Variants in LOXL2 observed in about 807,000 individuals in gnomAD.
LOXL2 encodes lysyl oxidase like 2, also known as lysyl oxidase homolog 2.
LOXL2 carries 70 observed loss-of-function variants against 93.0 expected under a neutral mutation model. The ratio of observed to expected loss-of-function variants is 0.75; its 90% CI spans 0.62 to 0.92. The LOEUF (loss-of-function observed/expected upper bound fraction) is 0.92. LOXL2 is among the 40% of genes least tolerant of loss of function. LOXL2 has a pLI of 0.00. For synonymous variants in LOXL2, 438 were observed against 413.2 expected, an observed-to-expected ratio of 1.06 and a Z score of -0.73; for missense variants, 973 against 1,054.9, an observed-to-expected ratio of 0.92 and a Z score of 1.08.
intron 1 of LOXL2, among the ~76,000 whole-genome samples, chr8:23,380,858 C>A (rs980755063): frequency 6.6e-6 from 1 of 151,932 alleles, no homozygotes; most frequent in East Asian, 1.9e-4. Context: ...ACTAAAAATA[C>A]AAAAATTATC....
intron 6 of LOXL2, among the ~76,000 whole-genome samples, chr8:23,323,106 A>G (rs1039986763): frequency 2.0e-5 from 3 of 152,224 alleles, no homozygotes; most frequent in African/African-American, 4.8e-5. Flanking sequence ...CCAAGTTTCT[A>G]TTTCCTTGGA....
chr8:23,363,428 C>T (rs1373679034), intron 2 of LOXL2: 1 of 152,174 alleles, frequency 6.6e-6, no homozygotes, highest in African/African-American at 2.4e-5. Context: ...TCCAAGCAGT[C>T]AAGCTCCACT....
At position 23,332,474 on chromosome 8, in the gene LOXL2, A is replaced by C. The variant is rs969870111; in HGVS notation, c.966+927T>G. ...AGACACACCCACACACATACCCCCCACACACTCCCATACCCCCCCACTCAT... is the reference window on the plus strand; with the variant it reads ...AGACACACCCACACACATACCCCCCCCACACTCCCATACCCCCCCACTCAT... On this transcript the variant is annotated intron_variant, in intron 5 of 13. Transcript: ENST00000389131. 5.4e-3 allele frequency among the ~76,000 whole-genome samples: 259 copies of C among 47,568 alleles called. 20 individuals are homozygous for C. In the East Asian group the frequency reaches 0.12, roughly 23 times the overall value. 31.2% of individuals were successfully genotyped at this position (47,568 alleles called of 152,430 possible). A position where few individuals can be genotyped will look rare whatever the true frequency, so the allele number is the denominator to read the frequency against.
At chr8:23,356,931 T>G (rs945188295) in intron 3 of LOXL2, among the ~76,000 whole-genome samples, 21 of 152,168 alleles carry the variant, frequency 1.4e-4, no homozygotes, top group Non-Finnish European at 2.9e-4. Flanking sequence ...ACAAGGGCCA[T>G]GTTTTCTTTC....
intron 3 of LOXL2, 42 bp from the exon 4 acceptor site, chr8:23,341,245 G>T: frequency 6.6e-7 from 1 of 1,523,756 alleles, no homozygotes; most frequent in Non-Finnish European, 9.1e-7. Flanking sequence ...TACCCTACTG[G>T]CCTGGCTGCA....
chr8:23,353,564 T>G (rs1299124752), intron 3 of LOXL2, among the ~76,000 whole-genome samples: 2 of 152,006 alleles, frequency 1.3e-5, no homozygotes, highest in Admixed American at 1.3e-4. Flanking sequence ...AGTCCGAAAC[T>G]GAGAATATAC....
At chr8:23,399,916 G>A (rs1217569101) in intron 1 of LOXL2, among the ~76,000 whole-genome samples, 2 of 152,150 alleles carry the variant, frequency 1.3e-5, no homozygotes, top group Admixed American at 6.5e-5. Flanking sequence ...TTGCCACTTC[G>A]GAGTTCCTCC....
At chr8:23,384,514 T>C (rs1318751946) in intron 1 of LOXL2, among the ~76,000 whole-genome samples, 1 of 152,152 alleles carries the variant, frequency 6.6e-6, no homozygotes, top group Non-Finnish European at 1.5e-5. Flanking sequence ...CTTCCAACAG[T>C]ACCTGCAGCT....
chr8:23,358,943 G>A (rs753174918), intron 3 of LOXL2, among the ~76,000 whole-genome samples: 2 of 150,980 alleles, frequency 1.3e-5, no homozygotes, highest in African/African-American at 4.9e-5. Flanking sequence ...CTGGGTTCAC[G>A]CCATTCTCCT....
Position 23,309,661 on chromosome 8 carries a change from G to A in LOXL2, c.1880+7C>T. ...GCTTAGTGGGGAGGGTGGCCAGCCA[G>A]GCCTACCTGTGACAGTCGTGCCAGA... is the stretch of plus-strand genomic sequence containing the variant. On this transcript the variant is annotated splice_region_variant and intron_variant, in intron 10 of 13. Coordinates refer to ENST00000389131, the MANE Select transcript of LOXL2 (RefSeq NM_002318.3). 3 of 1,439,540 alleles carry A rather than the reference G, an allele frequency of 2.1e-6. No homozygotes were observed. Among genetic ancestry groups the A allele is most frequent in the Non-Finnish European group, 2.8e-6 (3 of 1,086,828 alleles). 89.2% of individuals were successfully genotyped at this position (1,439,540 alleles called of 1,614,324 possible).
At chr8:23,383,232 C>G (rs1804704879) in intron 1 of LOXL2, among the ~76,000 whole-genome samples, 1 of 152,128 alleles carries the variant, frequency 6.6e-6, no homozygotes, top group Non-Finnish European at 1.5e-5. Flanking sequence ...GTCTTGGAAT[C>G]AGAACACGCT....
At chr8:23,355,110 C>A (rs1459135865) in intron 3 of LOXL2, among the ~76,000 whole-genome samples, 1 of 151,492 alleles carries the variant, frequency 6.6e-6, no homozygotes, top group Non-Finnish European at 1.5e-5. Flanking sequence ...CCATGCCCAG[C>A]TAATTTGTAT....
At position 23,322,121 on chromosome 8, in the gene LOXL2, T is replaced by G. The variant is rs1462221675; in HGVS notation, c.1302+9A>C. 6.2e-7 allele frequency: 1 copy of G among 1,613,652 alleles called. No homozygotes were observed. Among genetic ancestry groups the G allele is most frequent in the Admixed American group, 1.7e-5 (1 of 59,994 alleles). ...GTTACAGTCCCCTCTAGGTGTCCAG[T>G]CCCATCACCTTCTTCTGCAAGCCCA... On this transcript the variant is annotated intron_variant, in intron 7 of 13. Coordinates refer to ENST00000389131, the MANE Select transcript of LOXL2 (RefSeq NM_002318.3).
intron 5 of LOXL2, among the ~76,000 whole-genome samples, chr8:23,333,135 C>A (rs1473166486): frequency 6.6e-6 from 1 of 152,172 alleles, no homozygotes; most frequent in African/African-American, 2.4e-5. Flanking sequence ...GACACAAGGT[C>A]CCTGTCGCAC....
chr8:23,309,655 C>T lies in LOXL2; in HGVS notation c.1880+13G>A, dbSNP rs193012340. On this transcript the variant is annotated intron_variant, in intron 10 of 13. Coordinates refer to ENST00000389131, the MANE Select transcript of LOXL2 (RefSeq NM_002318.3). ...CGGGCAGCTTAGTGGGGAGGGTGGC[C>T]AGCCAGGCCTACCTGTGACAGTCGT... The T allele has an allele frequency of 2.8e-6, 4 of 1,421,648 alleles. No homozygotes were observed. The highest frequency in any genetic ancestry group is 5.7e-5 in the East Asian group (2 of 35,374). 88.1% of individuals were successfully genotyped at this position (1,421,648 alleles called of 1,614,324 possible). A position where few individuals can be genotyped will look rare whatever the true frequency, so the allele number is the denominator to read the frequency against.
intron 1 of LOXL2, among the ~76,000 whole-genome samples, chr8:23,388,307 G>T (rs1804792811): frequency 6.6e-6 from 1 of 152,136 alleles, no homozygotes; most frequent in Non-Finnish European, 1.5e-5. Flanking sequence ...AAATGGGCTG[G>T]GTGCTCATGC....
chr8:23,403,787 C>G (rs1028957759), intron 1 of LOXL2, 167 bp downstream of exon 1: 1 of 152,288 alleles, frequency 6.6e-6, no homozygotes, highest in Non-Finnish European at 1.5e-5. Flanking sequence ...CAGGAGGACC[C>G]GTTAGCCTGC....
At chr8:23,388,629 A>T (rs1337473650) in intron 1 of LOXL2, among the ~76,000 whole-genome samples, 8 of 14,048 alleles carry the variant, frequency 5.7e-4, no homozygotes, top group African/African-American at 1.7e-3. Context: ...ATACTCACAC[A>T]CACACACACA....
chr8:23,383,067 A>T (rs977402775), intron 1 of LOXL2, among the ~76,000 whole-genome samples: 2 of 152,060 alleles, frequency 1.3e-5, no homozygotes, highest in Non-Finnish European at 2.9e-5. Context: ...GCGGTTTTAA[A>T]CAAACTCGAC....
Sources: allele counts gnomAD v4.1 joint callset (sites outside exome capture counted in the v4.1 genomes callset), GRCh38; gene constraint gnomAD v4.1.1; transcripts MANE v1.5; gene names NCBI Gene and HGNC (gene_info 2026-07-23, HGNC 2026-07-21).